Variants in PDZD2 observed in about 807,000 individuals in gnomAD.
The protein encoded by PDZD2 is PDZ domain containing 2.
In PDZD2, 90 loss-of-function variants were observed where a neutral mutation model predicts 220.7. The observed-to-expected ratio is 0.41, with a 90% CI of 0.34 to 0.49. The LOEUF is 0.49. Among genes scored for constraint, PDZD2 ranks in the 20% least tolerant of loss-of-function variants. The pLI is 0.28. For missense variants in PDZD2, 3,174 were observed against 3,608.5 expected (o/e 0.88, Z 3.08); for synonymous variants, 1,375 against 1,450.5 (o/e 0.95, Z 1.18).
chr5:31,850,331 GA>G (rs71870990), intron 2 of PDZD2, among the ~76,000 whole-genome samples: 33,151 of 137,036 alleles, frequency 0.24, 3,913 homozygotes, highest in Middle Eastern at 0.33. Context: ...TCCCAATAAG[GA>G]AAACAAAGGT....
chr5:32,093,490 A>T (rs1259044514), intron 21 of PDZD2, among the ~76,000 whole-genome samples: 2 of 152,190 alleles, frequency 1.3e-5, no homozygotes, highest in Non-Finnish European at 2.9e-5. Context: ...GGGTTGGGGC[A>T]CTGACCTTCG....
intron 2 of PDZD2, among the ~76,000 whole-genome samples, chr5:31,925,627 A>G (rs551012899): frequency 9.2e-5 from 14 of 152,296 alleles, no homozygotes; most frequent in Admixed American, 5.2e-4. Context: ...CTAAGTAAAG[A>G]GCTTTTGCAC....
chr5:32,072,349 C>G, intron 17 of PDZD2, 32 bp downstream of exon 17: 1 of 1,564,698 alleles, frequency 6.4e-7, no homozygotes, highest in Non-Finnish European at 8.7e-7. Context: ...GGCCTGGGCT[C>G]TGCATTCCAG....
intron 2 of PDZD2, among the ~76,000 whole-genome samples, chr5:31,855,558 C>CG (rs1253540383): frequency 1.3e-5 from 2 of 152,184 alleles, no homozygotes; most frequent in African/African-American, 4.8e-5. Flanking sequence ...CCGGTAGGGG[C>CG]GGGGGGCATG....
Position 32,098,843 on chromosome 5 carries a change from A to G in PDZD2, c.8218+209A>G, listed in dbSNP as rs567335316. ...AGAAAATTAGAAAAATCCCCCCAGTAGTTCAAGCTGTACTGTGGAAGATTT... is the reference window on the plus strand; with the variant it reads ...AGAAAATTAGAAAAATCCCCCCAGTGGTTCAAGCTGTACTGTGGAAGATTT... On this transcript the variant is annotated intron_variant, in intron 23 of 24. Transcript: ENST00000438447. This position sits in a 1 kb window ranked among gnomAD's most constrained non-coding sequence, Gnocchi z 4.1. 6.6e-6 allele frequency among the ~76,000 whole-genome samples: 1 copy of G among 152,378 alleles called. No individual in the cohort carries two copies. The highest frequency in any genetic ancestry group is 1.5e-5 in the Non-Finnish European group (1 of 68,036).
chr5:31,927,413 C>T (rs997808795), intron 2 of PDZD2, among the ~76,000 whole-genome samples: 2 of 152,058 alleles, frequency 1.3e-5, no homozygotes, highest in Non-Finnish European at 2.9e-5. Context: ...GAGACAGTGT[C>T]TCACTCTGTC....
chr5:31,763,558 A>T (rs772858427), intron 1 of PDZD2, among the ~76,000 whole-genome samples: 2 of 152,200 alleles, frequency 1.3e-5, no homozygotes, highest in Non-Finnish European at 2.9e-5. Flanking sequence ...GTTCTTACAT[A>T]TAATTTGAAG....
At chr5:31,878,991 A>G (rs1739601856) in intron 2 of PDZD2, among the ~76,000 whole-genome samples, 2 of 152,180 alleles carry the variant, frequency 1.3e-5, no homozygotes, top group African/African-American at 4.8e-5. Context: ...TAGGTGGATC[A>G]GCAGTTGGAC....
chr5:31,685,920 G>A (rs939807336), intron 1 of PDZD2, among the ~76,000 whole-genome samples: 1 of 152,054 alleles, frequency 6.6e-6, no homozygotes, highest in Non-Finnish European at 1.5e-5. Flanking sequence ...TAGCCATAAG[G>A]TCAGGTGCAG....
At chr5:31,842,305 C>T (rs188928253) in intron 2 of PDZD2, among the ~76,000 whole-genome samples, 37 of 152,308 alleles carry the variant, frequency 2.4e-4, no homozygotes, top group African/African-American at 7.9e-4. Flanking sequence ...TTCATTCTAG[C>T]TCACAACACC....
intron 2 of PDZD2, among the ~76,000 whole-genome samples, chr5:31,913,986 A>G (rs553928203): frequency 2.6e-5 from 4 of 152,254 alleles, no homozygotes; most frequent in Admixed American, 2.6e-4. Flanking sequence ...CTAGAGCCAG[A>G]TGTCACTCCC....
At chr5:31,951,686 G>A (rs1335819377) in intron 2 of PDZD2, among the ~76,000 whole-genome samples, 3 of 152,106 alleles carry the variant, frequency 2.0e-5, no homozygotes, top group African/African-American at 4.8e-5. Context: ...CTCTTAGAAC[G>A]TGCTGTTACA....
intron 1 of PDZD2, among the ~76,000 whole-genome samples, chr5:31,655,418 C>T (rs1426810604): frequency 6.6e-6 from 1 of 152,186 alleles, no homozygotes; most frequent in African/African-American, 2.4e-5. Context: ...ATGATCTGCC[C>T]TCCTGGCCTC....
intron 1 of PDZD2, among the ~76,000 whole-genome samples, chr5:31,737,458 T>C (rs148338624): frequency 0.024 from 3,722 of 152,146 alleles, 55 homozygotes; most frequent in African/African-American, 0.045. Context: ...AGGCGTGAGC[T>C]ACCGCGCCCG....
intron 2 of PDZD2, among the ~76,000 whole-genome samples, chr5:31,908,082 CAAAAA>C (rs55741622): frequency 1.3e-3 from 98 of 76,886 alleles, no homozygotes; most frequent in Middle Eastern, 9.6e-3. Context: ...GGCTCCGTCT[CAAAAA>C]AAAAAAAAAA....
At chr5:31,803,656 A>G (rs1209142259) in intron 2 of PDZD2, among the ~76,000 whole-genome samples, 1 of 152,064 alleles carries the variant, frequency 6.6e-6, no homozygotes, top group Non-Finnish European at 1.5e-5. Context: ...TCTACTCACA[A>G]GGGAGTCCTT....
intron 2 of PDZD2, among the ~76,000 whole-genome samples, chr5:31,819,727 GT>G (rs1475043298): frequency 4.6e-5 from 7 of 150,596 alleles, no homozygotes; most frequent in Non-Finnish European, 8.9e-5. Context: ...ATGAGTATAT[GT>G]AATGGATACA....
intron 7 of PDZD2, among the ~76,000 whole-genome samples, chr5:32,038,123 T>C (rs145732212): frequency 0.026 from 3,555 of 135,652 alleles, 150 homozygotes; most frequent in African/African-American, 0.092. Context: ...ATTATAGGCG[T>C]GAGCCACCGT....
At chr5:31,722,777 C>T (rs1246919658) in intron 1 of PDZD2, among the ~76,000 whole-genome samples, 5 of 151,914 alleles carry the variant, frequency 3.3e-5, no homozygotes, top group African/African-American at 1.2e-4. Context: ...GCAACCTCTG[C>T]CTCCCGGGCT....
Sources: allele counts gnomAD v4.1 joint callset (sites outside exome capture counted in the v4.1 genomes callset), GRCh38; gene constraint gnomAD v4.1.1; non-coding constraint Gnocchi (gnomAD v3.1); transcripts MANE v1.5; gene names NCBI Gene and HGNC (gene_info 2026-07-23, HGNC 2026-07-21).